GRXCR2: variants seen among roughly 807,000 people sequenced by gnomAD.
GRXCR2 encodes the protein glutaredoxin domain-containing cysteine-rich protein 2.
Under a neutral mutation model 24.8 loss-of-function variants are expected in GRXCR2, and 23 were observed. The ratio of observed to expected loss-of-function variants is 0.93; its 90% CI spans 0.67 to 1.32. The LOEUF (loss-of-function observed/expected upper bound fraction) is 1.32. GRXCR2 is among the 40% of genes most tolerant of loss of function. The pLI, the probability that GRXCR2 is intolerant of heterozygous loss-of-function variation, is 0.00. For missense variants in GRXCR2, 315 were observed against 303.4 expected (o/e 1.04, Z -0.28); for synonymous variants, 130 against 116.1 (o/e 1.12, Z -0.77).
intron 2 of GRXCR2, among the ~76,000 whole-genome samples, chr5:145,920,394 C>A (rs370141695): frequency 6.6e-6 from 1 of 152,216 alleles, no homozygotes; most frequent in African/African-American, 2.4e-5. Flanking sequence ...TTCTGATGCT[C>A]TCTAAAGTTT....
At chr5:145,876,189 G>GTGTGTA (rs1554104656), upstream of GRXCR2, among the ~76,000 whole-genome samples, 1 of 68,446 alleles carries the variant, frequency 1.5e-5, no homozygotes, top group Non-Finnish European at 2.5e-5. Flanking sequence ...ATGTGTGTGT[G>GTGTGTA]TGTATATATA....
intron 1 of GRXCR2, among the ~76,000 whole-genome samples, chr5:145,866,983 G>C (rs925333536): frequency 6.6e-6 from 1 of 152,146 alleles, no homozygotes; most frequent in East Asian, 1.9e-4. Context: ...AGAGTCTGGA[G>C]GGCAGGGGCT....
intron 2 of GRXCR2, among the ~76,000 whole-genome samples, chr5:145,914,675 C>CAAA (rs34955541): frequency 3.6e-5 from 2 of 55,224 alleles, no homozygotes; most frequent in African/African-American, 7.7e-5. Flanking sequence ...GACTCCATCT[C>CAAA]AAAAAAAAAA....
At chr5:145,860,926 A>T (rs923430273) in intron 2 of GRXCR2, among the ~76,000 whole-genome samples, 2 of 151,686 alleles carry the variant, frequency 1.3e-5, no homozygotes, top group Non-Finnish European at 2.9e-5. Flanking sequence ...CTTGACTCCC[A>T]CTCTTCAGAA....
intron 2 of GRXCR2, among the ~76,000 whole-genome samples, chr5:145,895,901 C>G (rs1756941559): frequency 1.3e-5 from 2 of 152,150 alleles, no homozygotes; most frequent in African/African-American, 4.8e-5. Flanking sequence ...GCTACAGTAA[C>G]CAAAACAGCA....
chr5:145,894,886 A>G (rs927986588), intron 2 of GRXCR2, among the ~76,000 whole-genome samples: 1 of 152,194 alleles, frequency 6.6e-6, no homozygotes, highest in African/African-American at 2.4e-5. Flanking sequence ...AAAATCCTCA[A>G]TAAAATACTG....
upstream of GRXCR2, among the ~76,000 whole-genome samples, chr5:145,876,387 C>T (rs1237973900): frequency 6.6e-6 from 1 of 150,938 alleles, no homozygotes; most frequent in African/African-American, 2.4e-5. Flanking sequence ...AGCAATCCTC[C>T]CTCCTCAGCC....
intron 2 of GRXCR2, among the ~76,000 whole-genome samples, chr5:145,892,022 G>A (rs905058292): frequency 2.8e-4 from 42 of 152,286 alleles, no homozygotes; most frequent in Middle Eastern, 3.4e-3. Flanking sequence ...CAGGCAAACA[G>A]GGTCTGGAGT....
chr5:145,890,070 A>T (rs1295834900), intron 2 of GRXCR2, among the ~76,000 whole-genome samples: 1 of 152,188 alleles, frequency 6.6e-6, no homozygotes, highest in Non-Finnish European at 1.5e-5. Context: ...GACAAAAATA[A>T]AGACAAAAGT....
chr5:145,914,985 T>C (rs1757217439), intron 2 of GRXCR2, among the ~76,000 whole-genome samples: 1 of 152,186 alleles, frequency 6.6e-6, no homozygotes, highest in South Asian at 2.1e-4. Flanking sequence ...CAGAGGTTCT[T>C]GGTAAGAATG....
At chr5:145,889,489 G>A (rs946068418) in intron 2 of GRXCR2, among the ~76,000 whole-genome samples, 2 of 152,118 alleles carry the variant, frequency 1.3e-5, no homozygotes, top group African/African-American at 4.8e-5. Context: ...ATCTGCTGTT[G>A]CATCTCCAAG....
intron 2 of GRXCR2, among the ~76,000 whole-genome samples, chr5:145,880,464 T>C (rs1756685606): frequency 6.6e-6 from 1 of 152,180 alleles, no homozygotes; most frequent in Admixed American, 6.6e-5. Flanking sequence ...GATAAATTCC[T>C]GGACACATTC....
Position 145,897,878 on chromosome 5 carries a change from A to G in GRXCR2, c.-69-31150T>C, listed in dbSNP as rs188567162. 3.5e-4 allele frequency among the ~76,000 whole-genome samples: 53 copies of G among 152,256 alleles called. 1 individual carries two copies. Among genetic ancestry groups the G allele is most frequent in the Middle Eastern group, 6.8e-3 (2 of 294 alleles). ...TACTCAAAAAGTTAGAAAAATCTCA[A>G]ATTAACAATCTAACATCACACCTAG... On this transcript the variant is annotated intron_variant, in intron 2 of 3. Coordinates refer to the GRXCR2 transcript ENST00000639411.
chr5:145,860,640 A>G (rs1045393794), intron 2 of GRXCR2, among the ~76,000 whole-genome samples: 4 of 152,150 alleles, frequency 2.6e-5, no homozygotes, highest in African/African-American at 9.7e-5. Context: ...TGCAGTACTT[A>G]TATCTTTATT....
rs1040501725 is a variant in GRXCR2 at position 145,859,883 on chromosome 5, G to C, written c.597C>G (p.His199Gln). Residue 199 changes from histidine (H) to glutamine (Q), a missense_variant, in exon 3 of 3, where the codon CAC becomes CAG. Transcript: ENST00000377976. ...AGGTGGCACTGCCCGACCCTCGGCA[G>C]TGAAAACAGCTGTCCTCGGGAATAT... is the stretch of plus-strand genomic sequence containing the variant. ...EGDIPEDSCF[H>Q]CRGSGSATCS... 1.3e-6 allele frequency: 2 copies of C among 1,599,768 alleles called. No individual in the cohort carries two copies. The highest frequency in any genetic ancestry group is 2.7e-5 in the African/African-American group (2 of 74,472).
intron 1 of GRXCR2, among the ~76,000 whole-genome samples, chr5:145,868,432 A>G (rs544238156): frequency 1.5e-3 from 226 of 152,286 alleles, no homozygotes; most frequent in African/African-American, 5.1e-3. Context: ...ATAATTATTT[A>G]TTAAGCCACA....
intron 2 of GRXCR2, among the ~76,000 whole-genome samples, chr5:145,930,375 A>G (rs1002304840): frequency 1.3e-5 from 2 of 152,004 alleles, no homozygotes; most frequent in Non-Finnish European, 2.9e-5. Context: ...ATGAGCCACT[A>G]CTCTCTTTTT....
intron 2 of GRXCR2, among the ~76,000 whole-genome samples, chr5:145,886,206 T>C (rs1282408036): frequency 6.6e-6 from 1 of 152,256 alleles, no homozygotes; most frequent in African/African-American, 2.4e-5. Context: ...GTTGGTTCTC[T>C]AAGCTCTGCC....
intron 2 of GRXCR2, among the ~76,000 whole-genome samples, chr5:145,904,549 C>G (rs1348120107): frequency 3.9e-5 from 6 of 152,208 alleles, no homozygotes; most frequent in African/African-American, 1.4e-4. Flanking sequence ...TTATTTGTCA[C>G]ACACAAATCC....
Sources: allele counts gnomAD v4.1 joint callset (sites outside exome capture counted in the v4.1 genomes callset), GRCh38; gene constraint gnomAD v4.1.1; transcripts MANE v1.5; gene names NCBI Gene and HGNC (gene_info 2026-07-23, HGNC 2026-07-21).